SGCG: variants seen among roughly 807,000 people sequenced by gnomAD.
The protein encoded by SGCG is sarcoglycan gamma.
A neutral mutation model predicts 29.3 loss-of-function variants in SGCG; 26 were observed. The observed-to-expected ratio is 0.89, with a 90% CI of 0.65 to 1.23. SGCG has a LOEUF of 1.23. Ranked by LOEUF, SGCG falls within the 50% of genes most tolerant of loss-of-function variation. The pLI is 0.00. For missense variants in SGCG, 353 were observed against 356.0 expected, an observed-to-expected ratio of 0.99 and a Z score of 0.07; for synonymous variants, 145 against 129.7, an observed-to-expected ratio of 1.12 and a Z score of -0.80.
intron 4 of SGCG, among the ~76,000 whole-genome samples, chr13:23,253,214 T>A (rs1040650692): frequency 6.6e-6 from 1 of 152,112 alleles, no homozygotes; most frequent in Non-Finnish European, 1.5e-5. Context: ...GCCATTACAC[T>A]CCAGCTTGGG....
intron 4 of SGCG, among the ~76,000 whole-genome samples, chr13:23,273,683 T>C (rs957973575): frequency 3.3e-5 from 5 of 152,228 alleles, no homozygotes; most frequent in Non-Finnish European, 5.9e-5. Context: ...TCTTTTTGCT[T>C]TTTATTTGTG....
chr13:23,196,678 A>G (rs981622195), intron 1 of SGCG, among the ~76,000 whole-genome samples: 1 of 152,054 alleles, frequency 6.6e-6, no homozygotes, highest in Non-Finnish European at 1.5e-5. Context: ...ACCTTGTCCT[A>G]TCTTTAAGGC....
chr13:23,175,465 C>G, the SGCG span, among the ~76,000 whole-genome samples: 1 of 152,302 alleles, frequency 6.6e-6, no homozygotes, highest in South Asian at 2.1e-4. Flanking sequence ...CCCAAATAAT[C>G]ATTGCCCAAG....
chr13:23,237,436 A>T (rs1658152047), intron 3 of SGCG, among the ~76,000 whole-genome samples: 1 of 152,242 alleles, frequency 6.6e-6, no homozygotes, highest in Non-Finnish European at 1.5e-5. Context: ...ACAGGGACCA[A>T]AAGGGCACCT....
chr13:23,170,871 A>G, the SGCG span, among the ~76,000 whole-genome samples: 1 of 152,212 alleles, frequency 6.6e-6, no homozygotes, highest in Non-Finnish European at 1.5e-5. Context: ...CCTTCAGCCT[A>G]TGACCGTGCC....
At chr13:23,208,967 G>C (rs1172516460) in intron 2 of SGCG, among the ~76,000 whole-genome samples, 1 of 152,022 alleles carries the variant, frequency 6.6e-6, no homozygotes, top group Non-Finnish European at 1.5e-5. Context: ...AAGACCTTTA[G>C]AGTTATCAAC....
intron 4 of SGCG, among the ~76,000 whole-genome samples, chr13:23,258,771 T>C (rs954874328): frequency 6.6e-5 from 10 of 152,356 alleles, no homozygotes; most frequent in African/African-American, 2.4e-4. Context: ...TGTTGAATTT[T>C]GTCGAAGGCC....
chr13:23,278,176 G>A (rs1316245847), intron 4 of SGCG, among the ~76,000 whole-genome samples: 1 of 152,016 alleles, frequency 6.6e-6, no homozygotes, highest in Admixed American at 6.6e-5. Flanking sequence ...AGACATGGTG[G>A]CTCACACCTG....
At chr13:23,175,685 C>T in the SGCG span, among the ~76,000 whole-genome samples, 1 of 152,042 alleles carries the variant, frequency 6.6e-6, no homozygotes, top group Non-Finnish European at 1.5e-5. Flanking sequence ...ATATGAATTT[C>T]TCCCCTCTAT....
intron 4 of SGCG, among the ~76,000 whole-genome samples, chr13:23,253,223 G>C (rs1487031793): frequency 6.6e-6 from 1 of 152,038 alleles, no homozygotes; most frequent in East Asian, 1.9e-4. Flanking sequence ...CTCCAGCTTG[G>C]GTGAGAAAGT....
Position 23,315,458 on chromosome 13 carries a change from C to T in SGCG, c.579-5179C>T, listed in dbSNP as rs147417015. On this transcript the variant is annotated intron_variant, in intron 6 of 7. Coordinates refer to ENST00000218867, the MANE Select transcript of SGCG (RefSeq NM_000231.3). ...GTCTCCCCTTCTGCCACCCTGCCTT[C>T]TCTTCCCCAGCCTGCACCAATGGCC... Among the ~76,000 whole-genome samples, 1,283 of 152,336 alleles carry T rather than the reference C, an allele frequency of 8.4e-3. 21 individuals carry two copies. The highest frequency in any genetic ancestry group is 0.029 in the African/African-American group (1,218 of 41,578).
At chr13:23,309,917 A>G (rs1428047156) in intron 6 of SGCG, among the ~76,000 whole-genome samples, 1 of 152,120 alleles carries the variant, frequency 6.6e-6, no homozygotes, top group African/African-American at 2.4e-5. Context: ...GTTACTCATT[A>G]TGAGCATATA....
chr13:23,310,276 C>T (rs142690890), intron 6 of SGCG, among the ~76,000 whole-genome samples: 4,950 of 151,798 alleles, frequency 0.033, 143 homozygotes, highest in Non-Finnish European at 0.051. Flanking sequence ...TTAGTAGAGA[C>T]GGGGTTTCAC....
the SGCG span, among the ~76,000 whole-genome samples, chr13:23,163,585 C>A: frequency 6.6e-6 from 1 of 152,062 alleles, no homozygotes; most frequent in Non-Finnish European, 1.5e-5. Context: ...TTGAGTCATT[C>A]CATTATATCA....
chr13:23,276,045 C>T (rs1881055307), intron 4 of SGCG, among the ~76,000 whole-genome samples: 1 of 152,074 alleles, frequency 6.6e-6, no homozygotes, highest in Non-Finnish European at 1.5e-5. Context: ...TCTCTTTGTA[C>T]CAAAGCCTTT....
the SGCG span, among the ~76,000 whole-genome samples, chr13:23,168,789 T>A: frequency 6.6e-6 from 1 of 152,190 alleles, no homozygotes; most frequent in Non-Finnish European, 1.5e-5. Flanking sequence ...GCATGATTGA[T>A]AGGCATCTGC....
chr13:23,199,239 A>C (rs1489631585), intron 1 of SGCG, among the ~76,000 whole-genome samples: 3 of 152,258 alleles, frequency 2.0e-5, no homozygotes, highest in African/African-American at 7.2e-5. Context: ...TTCATGATAC[A>C]TTAAAAATTA....
intron 6 of SGCG, among the ~76,000 whole-genome samples, chr13:23,312,271 A>G (rs1882631708): frequency 1.3e-5 from 2 of 152,244 alleles, no homozygotes. Flanking sequence ...TCTCTATGCC[A>G]ATTTATAAAA....
chr13:23,194,265 G>T lies in SGCG; in HGVS notation c.1-9430G>T, dbSNP rs530876557. ...GTTGCAAGCATTCCTTACCATGTTG[G>T]TAGAAGGTGTTCTTACTCCATGGTT... On this transcript the variant is annotated intron_variant, in intron 1 of 7. Transcript: ENST00000218867. Among the ~76,000 whole-genome samples, 33 of 152,312 alleles carry T rather than the reference G, an allele frequency of 2.2e-4. No homozygotes were observed. In the East Asian group the frequency reaches 3.3e-3, roughly 15 times the overall value.
Sources: gnomAD v4.1 joint callset for allele counts (sites outside exome capture counted in the v4.1 genomes callset) on GRCh38, gnomAD v4.1.1 for gene constraint, MANE v1.5 for transcripts, NCBI Gene and HGNC (gene_info 2026-07-23, HGNC 2026-07-21) for gene names.